RAP1A: variants seen among roughly 807,000 people sequenced by gnomAD.
RAP1A encodes ras-related protein Rap-1A.
A neutral mutation model predicts 26.4 loss-of-function variants in RAP1A; 6 were observed. The observed-to-expected ratio is 0.23, with a 90% CI of 0.12 to 0.45. The LOEUF (loss-of-function observed/expected upper bound fraction) is 0.45. Ranked by LOEUF, RAP1A falls within the 20% of genes least tolerant of loss-of-function variation. The pLI is 0.99. For missense variants in RAP1A, 121 were observed against 217.2 expected, an observed-to-expected ratio of 0.56 and a Z score of 2.78; for synonymous variants, 73 against 79.4, an observed-to-expected ratio of 0.92 and a Z score of 0.43.
chr1:111,695,263 A>G lies in RAP1A; in HGVS notation c.58-78A>G. ...AATTTTCACATAATTTCAATTAATC[A>G]TTATAATTTGTAGGTTAAGTAACAT... is the stretch of plus-strand genomic sequence containing the variant. On this transcript the variant is annotated intron_variant, in intron 2 of 7. Transcript: ENST00000369709. The G allele has an allele frequency of 2.9e-6, 3 of 1,038,244 alleles. No individual in the cohort carries two copies. In the South Asian group the frequency reaches 5.0e-5, roughly 17 times the overall value. The allele number at this position is 1,038,244 out of a possible 1,614,324, so 64.3% of individuals were successfully genotyped here.
At chr1:111,688,072 A>T (rs1407436223) in intron 1 of RAP1A, among the ~76,000 whole-genome samples, 1 of 133,976 alleles carries the variant, frequency 7.5e-6, no homozygotes. Flanking sequence ...ATTTAAATGT[A>T]TGCTGGTGAA....
intron 1 of RAP1A, among the ~76,000 whole-genome samples, chr1:111,672,797 G>T (rs746263647): frequency 1.3e-5 from 2 of 152,150 alleles, no homozygotes; most frequent in African/African-American, 4.8e-5. Flanking sequence ...TTAGGATTTT[G>T]TCTTTGTTTT....
At chr1:111,586,419 C>CA (rs1235266096) in intron 1 of RAP1A, among the ~76,000 whole-genome samples, 2 of 152,116 alleles carry the variant, frequency 1.3e-5, no homozygotes, top group South Asian at 2.1e-4. Flanking sequence ...CCCATCTCCA[C>CA]AAAAAACACA....
chr1:111,655,331 G>A (rs1660419267), intron 1 of RAP1A, among the ~76,000 whole-genome samples: 1 of 150,898 alleles, frequency 6.6e-6, no homozygotes, highest in East Asian at 1.9e-4. Flanking sequence ...AATATCTGAG[G>A]GAAAACGGGA....
At chr1:111,622,273 A>C (rs1049188686) in intron 1 of RAP1A, among the ~76,000 whole-genome samples, 1 of 152,188 alleles carries the variant, frequency 6.6e-6, no homozygotes, top group Non-Finnish European at 1.5e-5. Flanking sequence ...CATCTCATTC[A>C]CAGTAGAATC....
intron 1 of RAP1A, among the ~76,000 whole-genome samples, chr1:111,554,361 G>T (rs1441067512): frequency 6.6e-6 from 1 of 152,154 alleles, no homozygotes; most frequent in Non-Finnish European, 1.5e-5. Flanking sequence ...AACATCTTTT[G>T]TTTGACAAAA....
Position 111,545,062 on chromosome 1 carries a change from G to T in RAP1A, c.-28+2553G>T, listed in dbSNP as rs988858055. On this transcript the variant is annotated intron_variant, in intron 1 of 7. Transcript: ENST00000356415. The stretch of plus-strand genomic sequence containing the variant: ...CAATTTGGTACATACCCAATTTCTT[G>T]GGTATATCCAATTTGGTACATACCC... 2.8e-4 allele frequency among the ~76,000 whole-genome samples: 40 copies of T among 144,334 alleles called. No homozygotes were observed. The South Asian group carries it at 5.9e-3, about 21-fold the overall frequency. The allele number at this position is 144,334 out of a possible 152,430, so 94.7% of individuals were successfully genotyped here.
intron 6 of RAP1A, 71 bp from the exon 7 acceptor site, chr1:111,709,078 C>T: frequency 1.3e-6 from 2 of 1,527,360 alleles, no homozygotes; most frequent in Non-Finnish European, 1.8e-6. Flanking sequence ...ATAGTACTTA[C>T]CAGAATTGTT....
chr1:111,586,666 C>G lies in RAP1A; in HGVS notation c.-28+44157C>G, dbSNP rs183650697. Among the ~76,000 whole-genome samples, 380 of 152,242 alleles carry G rather than the reference C, an allele frequency of 2.5e-3. 3 individuals carry two copies. The highest frequency in any genetic ancestry group is 0.022 in the South Asian group (108 of 4,826). ...ATGAACTGAGATGTCTTCTTCACCT[C>G]CAGTGAGAGAGGAGTGGCATATAGC... is the stretch of plus-strand genomic sequence containing the variant. On this transcript the variant is annotated intron_variant, in intron 1 of 7. Transcript: ENST00000356415.
chr1:111,583,770 T>C (rs1658308969), intron 1 of RAP1A, among the ~76,000 whole-genome samples: 1 of 151,894 alleles, frequency 6.6e-6, no homozygotes, highest in South Asian at 2.1e-4. Context: ...ATTTTGCAGC[T>C]ATTAAACGTT....
chr1:111,670,884 A>C (rs1004307572), intron 1 of RAP1A, among the ~76,000 whole-genome samples: 6 of 152,254 alleles, frequency 3.9e-5, no homozygotes, highest in African/African-American at 1.4e-4. Context: ...CGACTTGTCA[A>C]ACTTGCCAAA....
intron 1 of RAP1A, chr1:111,602,152 G>A (rs906300838): frequency 1.3e-5 from 2 of 152,214 alleles, no homozygotes; most frequent in African/African-American, 4.8e-5. Flanking sequence ...GTCACTGAGG[G>A]TGTTCTAATA....
At chr1:111,691,145 A>G (rs758917442) in intron 1 of RAP1A, among the ~76,000 whole-genome samples, 189 bp from the exon 2 acceptor site, 1 of 152,238 alleles carries the variant, frequency 6.6e-6, no homozygotes, top group Non-Finnish European at 1.5e-5. Flanking sequence ...TCGGTGAATT[A>G]AAATATCTGA....
chr1:111,585,008 G>C (rs943233611), intron 1 of RAP1A, among the ~76,000 whole-genome samples: 1 of 152,192 alleles, frequency 6.6e-6, no homozygotes. Context: ...AGGAGCCGCA[G>C]ATGGCAAATC....
chr1:111,580,851 A>C (rs1658242053), intron 1 of RAP1A, among the ~76,000 whole-genome samples: 1 of 57,816 alleles, frequency 1.7e-5, no homozygotes, highest in Non-Finnish European at 4.8e-5. Flanking sequence ...TCTCAAAAAC[A>C]AAAAAACAAA....
chr1:111,661,995 A>G (rs1190021219), intron 1 of RAP1A, among the ~76,000 whole-genome samples: 1 of 152,124 alleles, frequency 6.6e-6, no homozygotes. Context: ...TAAACCAATT[A>G]TTATTTAATG....
At chr1:111,624,160 AC>A (rs1308421350) in intron 1 of RAP1A, among the ~76,000 whole-genome samples, 4 of 152,216 alleles carry the variant, frequency 2.6e-5, no homozygotes, top group Admixed American at 6.5e-5. Flanking sequence ...AAGAAGAGTT[AC>A]GGCCTATTTC....
chr1:111,619,446 C>T (rs1423957674), upstream of RAP1A, among the ~76,000 whole-genome samples: 2 of 152,202 alleles, frequency 1.3e-5, no homozygotes, highest in South Asian at 2.1e-4. Context: ...TAAACCTCTG[C>T]GCTTAGTTAG....
chr1:111,675,487 A>G (rs571397107), intron 1 of RAP1A, among the ~76,000 whole-genome samples: 1 of 152,080 alleles, frequency 6.6e-6, no homozygotes, highest in South Asian at 2.1e-4. Context: ...AACAAAACAA[A>G]AAAAACAGCC....
Sources: gnomAD v4.1 joint callset for allele counts (sites outside exome capture counted in the v4.1 genomes callset) on GRCh38, gnomAD v4.1.1 for gene constraint, MANE v1.5 for transcripts, NCBI Gene and HGNC (gene_info 2026-07-23, HGNC 2026-07-21) for gene names.